CSGALNACT1: variants seen among roughly 807,000 people sequenced by gnomAD.
CSGALNACT1 encodes chondroitin sulfate N-acetylgalactosaminyltransferase 1, also known as beta4GalNAcT-1.
Under a neutral mutation model 51.0 loss-of-function variants are expected in CSGALNACT1, and 52 were observed. The ratio of observed to expected loss-of-function variants is 1.02; its 90% CI spans 0.82 to 1.29. The LOEUF is 1.29. Among genes scored for constraint, CSGALNACT1 ranks in the 50% most tolerant of loss-of-function variants. The pLI is 0.00. For synonymous variants in CSGALNACT1, 341 were observed against 254.4 expected, an observed-to-expected ratio of 1.34 and a Z score of -3.24; for missense variants, 935 against 679.2, an observed-to-expected ratio of 1.38 and a Z score of -4.19.
chr8:19,638,441 T>TA (rs2056367230), intron 1 of CSGALNACT1, among the ~76,000 whole-genome samples: 1 of 152,204 alleles, frequency 6.6e-6, no homozygotes, highest in African/African-American at 2.4e-5. Context: ...TCCTGCCCTG[T>TA]AAGATTACTC....
intron 1 of CSGALNACT1, among the ~76,000 whole-genome samples, chr8:19,669,099 CAT>C (rs2059596108): frequency 1.3e-5 from 2 of 152,170 alleles, no homozygotes; most frequent in South Asian, 4.1e-4. Context: ...GGAGTCTAGA[CAT>C]GTGGATTTCA....
At chr8:19,615,746 CAAG>C (rs934536239) in intron 1 of CSGALNACT1, among the ~76,000 whole-genome samples, 19 of 152,204 alleles carry the variant, frequency 1.2e-4, no homozygotes, top group African/African-American at 3.9e-4. Context: ...CAATCAAAAA[CAAG>C]AAGAGGAGCA....
chr8:19,728,694 C>G (rs10104473), intron 1 of CSGALNACT1, among the ~76,000 whole-genome samples: 1 of 151,952 alleles, frequency 6.6e-6, no homozygotes, highest in Non-Finnish European at 1.5e-5. Flanking sequence ...CAGAGGCACG[C>G]TGCCTCTGCA....
At chr8:19,611,058 AG>A (rs1052762846) in intron 1 of CSGALNACT1, among the ~76,000 whole-genome samples, 52 of 152,366 alleles carry the variant, frequency 3.4e-4, no homozygotes, top group Admixed American at 4.6e-4. Context: ...CGCCCTGCGA[AG>A]GGGACAAGAG....
At chr8:19,654,194 C>T (rs1386213636) in intron 1 of CSGALNACT1, among the ~76,000 whole-genome samples, 1 of 152,198 alleles carries the variant, frequency 6.6e-6, no homozygotes, top group South Asian at 2.1e-4. Flanking sequence ...CTGAACATAA[C>T]ATTTTCCAGC....
chr8:19,711,820 G>T (rs2062521775), intron 1 of CSGALNACT1, among the ~76,000 whole-genome samples: 1 of 152,100 alleles, frequency 6.6e-6, no homozygotes, highest in Admixed American at 6.5e-5. Context: ...TTCAAAACTA[G>T]GAAAGGATAA....
At chr8:19,599,855 C>A (rs754000837) in intron 2 of CSGALNACT1, among the ~76,000 whole-genome samples, 4 of 152,224 alleles carry the variant, frequency 2.6e-5, no homozygotes, top group African/African-American at 7.2e-5. Flanking sequence ...GAGAAGACAG[C>A]AAATGAGTTG....
chr8:19,745,611 C>A (rs1446349022), intron 1 of CSGALNACT1, among the ~76,000 whole-genome samples: 2 of 152,148 alleles, frequency 1.3e-5, no homozygotes, highest in African/African-American at 4.8e-5. Context: ...ATTCATGAAG[C>A]TTTTTGCCAC....
intron 3 of CSGALNACT1, among the ~76,000 whole-genome samples, chr8:19,509,874 A>G (rs1270458170): frequency 1.3e-5 from 2 of 152,184 alleles, no homozygotes; most frequent in Non-Finnish European, 2.9e-5. Flanking sequence ...ATACAGCTTT[A>G]TGTGATCACA....
At chr8:19,513,586 T>C (rs1285951925) in intron 3 of CSGALNACT1, among the ~76,000 whole-genome samples, 1 of 151,902 alleles carries the variant, frequency 6.6e-6, no homozygotes, top group African/African-American at 2.4e-5. Context: ...GGCACAGTTA[T>C]GCCATTGCTT....
intron 1 of CSGALNACT1, among the ~76,000 whole-genome samples, chr8:19,610,011 G>C (rs2051983480): frequency 6.6e-6 from 1 of 151,990 alleles, no homozygotes; most frequent in African/African-American, 2.4e-5. Context: ...ACGAGGTCAG[G>C]AGTTCAAGAC....
intron 3 of CSGALNACT1, among the ~76,000 whole-genome samples, chr8:19,580,677 G>T (rs957786194): frequency 6.6e-6 from 1 of 152,092 alleles, no homozygotes; most frequent in African/African-American, 2.4e-5. Flanking sequence ...AAGATCAAAT[G>T]ACCAAAACCA....
At chr8:19,515,325 A>C (rs1481068632) in intron 3 of CSGALNACT1, among the ~76,000 whole-genome samples, 1 of 152,166 alleles carries the variant, frequency 6.6e-6, no homozygotes, top group Non-Finnish European at 1.5e-5. Flanking sequence ...CTCAGCCTTC[A>C]AGATGCTCCT....
chr8:19,553,877 T>C (rs1315712849), intron 3 of CSGALNACT1, among the ~76,000 whole-genome samples: 6 of 146,986 alleles, frequency 4.1e-5, no homozygotes, highest in Non-Finnish European at 7.5e-5. Context: ...AGGAAAATAA[T>C]CACCGAACAA....
intron 1 of CSGALNACT1, among the ~76,000 whole-genome samples, chr8:19,754,323 A>G (rs996763648): frequency 1.3e-5 from 2 of 152,186 alleles, no homozygotes; most frequent in Non-Finnish European, 2.9e-5. Flanking sequence ...ACATTTTTTA[A>G]AAAGGACAGA....
intron 4 of CSGALNACT1, among the ~76,000 whole-genome samples, chr8:19,491,791 T>A (rs928367850): frequency 6.6e-6 from 1 of 152,242 alleles, no homozygotes; most frequent in East Asian, 1.9e-4. Context: ...GTGCAGTAAT[T>A]TGCAAACGAC....
chr8:19,466,158 T>C (rs1052669111), intron 4 of CSGALNACT1, among the ~76,000 whole-genome samples: 1 of 152,114 alleles, frequency 6.6e-6, no homozygotes. Context: ...AATATACATG[T>C]TCAACAAGAA....
At chr8:19,747,781 G>A (rs1275164398) in intron 1 of CSGALNACT1, among the ~76,000 whole-genome samples, 2 of 150,524 alleles carry the variant, frequency 1.3e-5, no homozygotes, top group Non-Finnish European at 3.0e-5. Flanking sequence ...TCCTACTGTA[G>A]AAACTTGTCT....
chr8:19,570,213 T>A (rs1257240642), intron 3 of CSGALNACT1, among the ~76,000 whole-genome samples: 1 of 152,202 alleles, frequency 6.6e-6, no homozygotes, highest in Non-Finnish European at 1.5e-5. Context: ...TTATGTAAGT[T>A]ATACCTCATT....
Sources: gnomAD v4.1 joint callset for allele counts (sites outside exome capture counted in the v4.1 genomes callset) on GRCh38, gnomAD v4.1.1 for gene constraint, MANE v1.5 for transcripts, NCBI Gene and HGNC (gene_info 2026-07-23, HGNC 2026-07-21) for gene names.